Variants in ERC1 observed in about 807,000 individuals in gnomAD.
The protein encoded by ERC1 is RAB6 interacting protein 2.
In ERC1, 56 loss-of-function variants were observed where a neutral mutation model predicts 132.0. The ratio of observed to expected loss-of-function variants is 0.42; its 90% CI spans 0.34 to 0.53. The LOEUF is 0.53. Among genes scored for constraint, ERC1 ranks in the 20% least tolerant of loss-of-function variants. The pLI is 0.03. For missense variants in ERC1, 1,202 were observed against 1,349.9 expected (o/e 0.89, Z 1.72); for synonymous variants, 478 against 476.1 (o/e 1.00, Z -0.05).
chr12:1,442,763 G>C (rs1223944487), intron 17 of ERC1, among the ~76,000 whole-genome samples: 3 of 152,124 alleles, frequency 2.0e-5, no homozygotes, highest in Non-Finnish European at 4.4e-5. Context: ...ATATAATGTA[G>C]TGAACAGTAC....
At chr12:1,007,020 ACT>A (rs1367292222) in intron 1 of ERC1, among the ~76,000 whole-genome samples, 2 of 151,412 alleles carry the variant, frequency 1.3e-5, no homozygotes, top group East Asian at 1.9e-4. Context: ...TATATATATG[ACT>A]CTGTATTGTG....
intron 1 of ERC1, 125 bp from the exon 2 acceptor site, chr12:1,027,623 T>A (rs1347504126): frequency 2.5e-6 from 1 of 399,162 alleles, no homozygotes; most frequent in East Asian, 3.8e-5. Flanking sequence ...TGTAATCACA[T>A]TCTGAATGCG....
intron 7 of ERC1, among the ~76,000 whole-genome samples, chr12:1,122,938 G>A (rs536846977): frequency 1.3e-5 from 2 of 152,156 alleles, no homozygotes; most frequent in African/African-American, 4.8e-5. Context: ...TATACCTGGG[G>A]CAGAGCATTT....
At chr12:1,283,564 C>A (rs1007758188) in intron 14 of ERC1, among the ~76,000 whole-genome samples, 1 of 152,128 alleles carries the variant, frequency 6.6e-6, no homozygotes. Context: ...AGCCAGAGAG[C>A]AAATCAGATG....
chr12:1,458,820 C>G (rs907370216), intron 18 of ERC1, among the ~76,000 whole-genome samples: 2 of 152,202 alleles, frequency 1.3e-5, no homozygotes, highest in Non-Finnish European at 2.9e-5. Context: ...TATTTTCTAA[C>G]CTTATCTGCT....
chr12:1,274,508 A>C (rs2078115683), intron 14 of ERC1, among the ~76,000 whole-genome samples: 2 of 151,384 alleles, frequency 1.3e-5, no homozygotes, highest in African/African-American at 4.9e-5. Context: ...TTATTTATTT[A>C]TTGAGACAGA....
intron 12 of ERC1, among the ~76,000 whole-genome samples, chr12:1,200,705 CCCG>C (rs1480739079): frequency 6.6e-6 from 1 of 152,138 alleles, no homozygotes; most frequent in African/African-American, 2.4e-5. Context: ...ACTACAGGCG[CCCG>C]CCACCACAGC....
At chr12:1,361,395 A>C (rs1242533919) in intron 15 of ERC1, among the ~76,000 whole-genome samples, 4 of 152,102 alleles carry the variant, frequency 2.6e-5, no homozygotes, top group Admixed American at 6.5e-5. Context: ...GTACCCTAAA[A>C]CTTAAAGTAT....
chr12:1,110,114 C>G, intron 4 of ERC1, 78 bp from the exon 5 acceptor site: 2 of 1,215,954 alleles, frequency 1.6e-6, no homozygotes, highest in Non-Finnish European at 1.1e-6. Flanking sequence ...TTAAATGTAA[C>G]TTCTTTAAAT....
chr12:1,373,149 G>C (rs904168242), intron 16 of ERC1, among the ~76,000 whole-genome samples: 7 of 152,112 alleles, frequency 4.6e-5, no homozygotes, highest in Non-Finnish European at 1.0e-4. Flanking sequence ...CTAATATTTT[G>C]ACTACCTGTT....
chr12:1,302,793 C>T (rs945866450), intron 15 of ERC1, among the ~76,000 whole-genome samples: 2 of 151,812 alleles, frequency 1.3e-5, no homozygotes, highest in African/African-American at 4.8e-5. Context: ...TAGAACCTGT[C>T]GCTACAAAAA....
chr12:1,203,246 T>A (rs1957075430), intron 12 of ERC1, among the ~76,000 whole-genome samples: 1 of 152,116 alleles, frequency 6.6e-6, no homozygotes, highest in African/African-American at 2.4e-5. Flanking sequence ...TTAGTAGAGA[T>A]GGGGTTTCAC....
intron 17 of ERC1, among the ~76,000 whole-genome samples, chr12:1,437,297 A>G (rs763182684): frequency 1.3e-5 from 2 of 152,152 alleles, no homozygotes; most frequent in Non-Finnish European, 2.9e-5. Flanking sequence ...TGTGCCTCCT[A>G]GTAGCATTCT....
intron 17 of ERC1, among the ~76,000 whole-genome samples, chr12:1,425,351 A>G (rs866894745): frequency 3.3e-5 from 5 of 152,180 alleles, no homozygotes; most frequent in Middle Eastern, 3.2e-3. Flanking sequence ...CCTCTTCTGC[A>G]TTCTGCTTTC....
At chr12:1,130,077 A>T (rs1002488315) in intron 7 of ERC1, among the ~76,000 whole-genome samples, 8 of 152,222 alleles carry the variant, frequency 5.3e-5, no homozygotes, top group African/African-American at 1.9e-4. Flanking sequence ...GGAATTCTGC[A>T]TCTAGATTGT....
chr12:1,365,565 TC>T (rs1246181648), intron 15 of ERC1, among the ~76,000 whole-genome samples: 10 of 152,186 alleles, frequency 6.6e-5, no homozygotes, highest in African/African-American at 2.2e-4. Context: ...TTCCAACTAT[TC>T]CTAAGCACAG....
chr12:1,347,454 C>G (rs2084586061), intron 15 of ERC1, among the ~76,000 whole-genome samples: 1 of 152,092 alleles, frequency 6.6e-6, no homozygotes, highest in African/African-American at 2.4e-5. Context: ...ATATCATTAT[C>G]TCACATGCTT....
At chr12:1,121,259 T>C (rs1947052608) in intron 7 of ERC1, among the ~76,000 whole-genome samples, 1 of 152,242 alleles carries the variant, frequency 6.6e-6, no homozygotes, top group African/African-American at 2.4e-5. Context: ...AATTCCTCCC[T>C]GTGCAGAGAG....
intron 2 of ERC1, among the ~76,000 whole-genome samples, chr12:1,036,531 C>A (rs745893829): frequency 6.6e-6 from 1 of 151,798 alleles, no homozygotes; most frequent in Non-Finnish European, 1.5e-5. Context: ...CACGCCACCA[C>A]GCCCGGCTAA....
Sources: allele counts gnomAD v4.1 joint callset (sites outside exome capture counted in the v4.1 genomes callset), GRCh38; gene constraint gnomAD v4.1.1; transcripts MANE v1.5; gene names NCBI Gene and HGNC (gene_info 2026-07-23, HGNC 2026-07-21).